TMEM123: variants seen among roughly 807,000 people sequenced by gnomAD.
The protein encoded by TMEM123 is transmembrane protein 123, also known as porimin.
TMEM123 carries 16 observed loss-of-function variants against 19.7 expected under a neutral mutation model. That is an observed-to-expected ratio of 0.81 (90% confidence interval 0.55 to 1.23). TMEM123 has a LOEUF of 1.23. Ranked by LOEUF, TMEM123 falls within the 50% of genes most tolerant of loss-of-function variation. TMEM123 has a pLI of 0.00. For synonymous variants in TMEM123, 118 were observed against 99.4 expected, an observed-to-expected ratio of 1.19 and a Z score of -1.12; for missense variants, 313 against 257.8, an observed-to-expected ratio of 1.21 and a Z score of -1.47.
chr11:102,427,095 T>C (rs1180627900), intron 2 of TMEM123, among the ~76,000 whole-genome samples: 1 of 151,766 alleles, frequency 6.6e-6, no homozygotes, highest in Non-Finnish European at 1.5e-5. Flanking sequence ...GTTCTCTTTT[T>C]CACAATCTAG....
chr11:102,441,300 A>T lies in TMEM123; in HGVS notation c.157+7512T>A, dbSNP rs574038248. Among the ~76,000 whole-genome samples, 11 of 152,296 alleles carry T rather than the reference A, an allele frequency of 7.2e-5. No homozygotes were observed. The South Asian group carries it at 1.0e-3, about 14-fold the overall frequency. The stretch of plus-strand genomic sequence containing the variant: ...CTGACTACATAGTTGGAAGTAAAGC[A>T]CTCCTCAGCAAATGTAAAAGAACAG... On this transcript the variant is annotated intron_variant, in intron 2 of 4. Transcript: ENST00000398136.
chr11:102,413,126 G>T (rs1299711111), intron 2 of TMEM123, among the ~76,000 whole-genome samples: 1 of 152,144 alleles, frequency 6.6e-6, no homozygotes, highest in Non-Finnish European at 1.5e-5. Context: ...TTTGATGTGA[G>T]AGTAAGCTTA....
intron 2 of TMEM123, among the ~76,000 whole-genome samples, chr11:102,436,232 G>A (rs1857761146): frequency 6.6e-6 from 1 of 151,928 alleles, no homozygotes; most frequent in South Asian, 2.1e-4. Context: ...GAATGATCTT[G>A]GCTCAGTGCA....
At chr11:102,433,834 C>G (rs553779849) in intron 2 of TMEM123, among the ~76,000 whole-genome samples, 1 of 151,864 alleles carries the variant, frequency 6.6e-6, no homozygotes, top group South Asian at 2.1e-4. Context: ...TTATAAGTGT[C>G]TGGCATTTCC....
chr11:102,419,623 C>T (rs966894464), intron 2 of TMEM123, among the ~76,000 whole-genome samples: 2 of 152,140 alleles, frequency 1.3e-5, no homozygotes. Context: ...GCATTATACC[C>T]TTGAAGACAT....
intron 2 of TMEM123, among the ~76,000 whole-genome samples, chr11:102,410,335 A>T (rs1951993568): frequency 6.6e-6 from 1 of 152,128 alleles, no homozygotes; most frequent in Admixed American, 6.5e-5. Context: ...ACTGCAAAGA[A>T]GCTGAGCAGA....
At chr11:102,429,311 GGAT>G (rs1356554323) in intron 2 of TMEM123, among the ~76,000 whole-genome samples, 2 of 152,110 alleles carry the variant, frequency 1.3e-5, no homozygotes, top group African/African-American at 4.8e-5. Context: ...TTTAAATCTG[GGAT>G]GATGTCTACT....
chr11:102,430,236 G>A (rs1345363076), intron 2 of TMEM123, among the ~76,000 whole-genome samples: 1 of 152,170 alleles, frequency 6.6e-6, no homozygotes, highest in Non-Finnish European at 1.5e-5. Context: ...CACAACTAAG[G>A]CTGGTATAGC....
intron 2 of TMEM123, among the ~76,000 whole-genome samples, chr11:102,421,751 C>T (rs2135852585): frequency 6.6e-6 from 1 of 152,184 alleles, no homozygotes; most frequent in African/African-American, 2.4e-5. Flanking sequence ...CTGAAGATGG[C>T]AGTAATCTGG....
chr11:102,439,843 T>C lies in TMEM123; in HGVS notation c.157+8969A>G, dbSNP rs563510089. Among the ~76,000 whole-genome samples, 32 of 152,016 alleles carry C rather than the reference T, an allele frequency of 2.1e-4. 1 individual carries two copies. The highest frequency in any genetic ancestry group is 7.0e-4 in the African/African-American group (29 of 41,318). On this transcript the variant is annotated intron_variant, in intron 2 of 4. Coordinates refer to ENST00000398136, the MANE Select transcript of TMEM123 (RefSeq NM_052932.3). ...AAATGGCTAACTAGAATAAATAGCA[T>C]AGAGAAGACCTTAAATGACCTGATG...
intron 2 of TMEM123, among the ~76,000 whole-genome samples, chr11:102,429,684 G>A (rs1952159144): frequency 6.6e-6 from 1 of 152,146 alleles, no homozygotes; most frequent in Non-Finnish European, 1.5e-5. Context: ...ATTCTACCAA[G>A]CAAATGTTTG....
At chr11:102,442,803 T>G (rs1857841120) in intron 2 of TMEM123, among the ~76,000 whole-genome samples, 1 of 152,210 alleles carries the variant, frequency 6.6e-6, no homozygotes, top group Admixed American at 6.5e-5. Flanking sequence ...AACCCCATCA[T>G]CTCAGCCCCA....
At chr11:102,419,528 G>A (rs895333894) in intron 2 of TMEM123, among the ~76,000 whole-genome samples, 2 of 152,050 alleles carry the variant, frequency 1.3e-5, no homozygotes, top group African/African-American at 4.8e-5. Flanking sequence ...AACTCCCCAG[G>A]GCAACTGCGT....
intron 2 of TMEM123, 57 bp downstream of exon 2, chr11:102,448,755 T>C (rs1857908719): frequency 1.9e-6 from 3 of 1,547,746 alleles, no homozygotes; most frequent in Non-Finnish European, 8.9e-7. Flanking sequence ...CTGGCTGTTA[T>C]TACTTCATGT....
At chr11:102,403,256 C>T (rs916049258) in intron 2 of TMEM123, among the ~76,000 whole-genome samples, 4 of 152,208 alleles carry the variant, frequency 2.6e-5, no homozygotes, top group Non-Finnish European at 5.9e-5. Context: ...GTGATCTGCT[C>T]GCCTCAGCTT....
intron 2 of TMEM123, among the ~76,000 whole-genome samples, chr11:102,447,880 A>T (rs1243182379): frequency 6.6e-6 from 1 of 152,260 alleles, no homozygotes; most frequent in Non-Finnish European, 1.5e-5. Flanking sequence ...AAACACTGGG[A>T]TGCCCCACAG....
chr11:102,405,386 C>T (rs2567752), intron 2 of TMEM123, among the ~76,000 whole-genome samples: 25,302 of 152,014 alleles, frequency 0.17, 2,591 homozygotes, highest in African/African-American at 0.27. Context: ...AAGGAATTAA[C>T]GCTTTTATAC....
chr11:102,437,075 G>A (rs1857770527), intron 2 of TMEM123, among the ~76,000 whole-genome samples: 2 of 152,166 alleles, frequency 1.3e-5, no homozygotes, highest in South Asian at 4.1e-4. Flanking sequence ...CCCAAGTTTT[G>A]TTTTCCTGTT....
intron 2 of TMEM123, among the ~76,000 whole-genome samples, chr11:102,430,545 TA>T (rs1468713007): frequency 6.6e-6 from 1 of 152,066 alleles, no homozygotes; most frequent in Non-Finnish European, 1.5e-5. Context: ...GGGTAACTGG[TA>T]GCCAGAAAAA....
Sources: allele counts gnomAD v4.1 joint callset (sites outside exome capture counted in the v4.1 genomes callset), GRCh38; gene constraint gnomAD v4.1.1; transcripts MANE v1.5; gene names NCBI Gene and HGNC (gene_info 2026-07-23, HGNC 2026-07-21).